Variants in SEC14L5 observed in about 807,000 individuals in gnomAD.
SEC14L5 encodes SEC14 like lipid binding 5.
Under a neutral mutation model 84.6 loss-of-function variants are expected in SEC14L5, and 96 were observed. The ratio of observed to expected loss-of-function variants is 1.13; its 90% CI spans 0.96 to 1.34. The LOEUF (loss-of-function observed/expected upper bound fraction) is 1.34. SEC14L5 is among the 40% of genes most tolerant of loss of function. SEC14L5 has a pLI of 0.00. For synonymous variants in SEC14L5, 546 were observed against 383.4 expected, an observed-to-expected ratio of 1.42 and a Z score of -4.95; for missense variants, 1,224 against 942.5, an observed-to-expected ratio of 1.30 and a Z score of -3.91.
chr16:5,005,163 A>G (rs78834010), intron 11 of SEC14L5, among the ~76,000 whole-genome samples: 4,886 of 152,182 alleles, frequency 0.032, 273 homozygotes, highest in African/African-American at 0.11. Context: ...TAAAATACAA[A>G]AATTAGCCAG....
chr16:4,964,539 G>C (rs554386121), intron 2 of SEC14L5, among the ~76,000 whole-genome samples: 1 of 151,852 alleles, frequency 6.6e-6, no homozygotes, highest in East Asian at 1.9e-4. Flanking sequence ...AGCCGAGTTC[G>C]CTCCATTGCA....
At chr16:4,973,522 A>G (rs1184880004) in intron 2 of SEC14L5, among the ~76,000 whole-genome samples, 1 of 152,194 alleles carries the variant, frequency 6.6e-6, no homozygotes, top group East Asian at 1.9e-4. Flanking sequence ...CACCCCTACG[A>G]AAAGTTGGGG....
intron 2 of SEC14L5, among the ~76,000 whole-genome samples, chr16:4,965,925 C>T (rs1018666619): frequency 6.6e-6 from 1 of 151,946 alleles, no homozygotes; most frequent in East Asian, 1.9e-4. Flanking sequence ...ACCTGCAGTC[C>T]CAGCTACTTG....
In SEC14L5 at chr16:5,011,367, G is replaced by C. The variant is rs894602653; in HGVS notation, c.1979+94G>C. The C allele has an allele frequency of 3.1e-5, 41 of 1,322,356 alleles. No individual in the cohort carries two copies. The Admixed American group carries it at 8.0e-4, about 26-fold the overall frequency. The allele number at this position is 1,322,356 out of a possible 1,614,324, so 81.9% of individuals were successfully genotyped here. A position where few individuals can be genotyped will look rare whatever the true frequency, so the allele number is the denominator to read the frequency against. The stretch of plus-strand genomic sequence containing the variant: ...GGCCTCCTGTCTCCCAGCTGGGTCA[G>C]CTTCTCCCGGGGTGGGACCCCAGCA... On this transcript the variant is annotated intron_variant, in intron 15 of 15. Coordinates refer to ENST00000251170, the MANE Select transcript of SEC14L5 (RefSeq NM_014692.2).
chr16:4,970,115 C>G (rs186029990), intron 2 of SEC14L5, among the ~76,000 whole-genome samples: 15 of 152,302 alleles, frequency 9.8e-5, no homozygotes, highest in African/African-American at 3.6e-4. Flanking sequence ...CCTGGCCCAT[C>G]TGGTTCTTTT....
intron 8 of SEC14L5, among the ~76,000 whole-genome samples, chr16:4,998,735 C>A (rs1379631870): frequency 4.0e-5 from 2 of 49,680 alleles, no homozygotes; most frequent in East Asian, 6.0e-4. Context: ...GAGACTCCGT[C>A]TCAAAAAAAA....
chr16:4,961,532 T>C (rs144817362), intron 2 of SEC14L5, among the ~76,000 whole-genome samples: 1,910 of 152,228 alleles, frequency 0.013, 31 homozygotes, highest in African/African-American at 0.044. Context: ...TTTCATCACG[T>C]TGGCCACGCT....
intron 13 of SEC14L5, among the ~76,000 whole-genome samples, 165 bp downstream of exon 13, chr16:5,007,651 G>C (rs1339996706): frequency 1.3e-5 from 2 of 148,410 alleles, no homozygotes; most frequent in Non-Finnish European, 3.0e-5. Flanking sequence ...TGTTGCCCAG[G>C]CTGGAGTGCA....
intron 6 of SEC14L5, among the ~76,000 whole-genome samples, chr16:4,995,661 C>G (rs540235718): frequency 1.4e-5 from 2 of 142,046 alleles, no homozygotes; most frequent in East Asian, 2.1e-4. Context: ...GAGTCTCACT[C>G]TGTTGCCCAG....
chr16:4,966,750 C>T (rs773058975), intron 2 of SEC14L5, among the ~76,000 whole-genome samples: 1 of 152,186 alleles, frequency 6.6e-6, no homozygotes, highest in Non-Finnish European at 1.5e-5. Context: ...CCTCAATTTA[C>T]ACCCCAACTA....
At chr16:4,991,748 A>C in intron 5 of SEC14L5, 90 bp from the exon 6 acceptor site, 1 of 821,040 alleles carries the variant, frequency 1.2e-6, no homozygotes, top group Non-Finnish European at 1.8e-6. Context: ...CTGGGACCTG[A>C]GCCGGCTGGG....
intron 2 of SEC14L5, among the ~76,000 whole-genome samples, chr16:4,977,092 CA>C (rs1190161608): frequency 6.6e-6 from 1 of 152,176 alleles, no homozygotes; most frequent in African/African-American, 2.4e-5. Flanking sequence ...CACAGTTTCT[CA>C]AGGTCACAGC....
At chr16:4,986,444 A>C (rs1955488139) in intron 2 of SEC14L5, among the ~76,000 whole-genome samples, 1 of 152,190 alleles carries the variant, frequency 6.6e-6, no homozygotes, top group South Asian at 2.1e-4. Context: ...CTGGCCTGCT[A>C]CCACGTCTTT....
intron 12 of SEC14L5, among the ~76,000 whole-genome samples, chr16:5,006,626 C>T (rs1223007941): frequency 1.3e-5 from 2 of 152,192 alleles, no homozygotes; most frequent in Non-Finnish European, 2.9e-5. Flanking sequence ...CTCTTTGTTT[C>T]TAACAGAAAT....
chr16:4,992,006 G>T lies in SEC14L5; in HGVS notation c.643G>T (p.Ala215Ser), dbSNP rs756053430. 3.2e-6 allele frequency: 5 copies of T among 1,576,046 alleles called. No homozygotes were observed. The highest frequency in any genetic ancestry group is 2.3e-5 in the East Asian group (1 of 43,480). ...CGGGCCCCGTAGCACCCTGGGGCCC[G>T]CTCTGGAGGCGGTCAGTATGGACGG... Reference protein sequence around the residue: ...AHGPRSTLGPALEAVSMDGDK... With the variant: ...AHGPRSTLGPSLEAVSMDGDK... Residue 215 changes from alanine to serine, a missense_variant, in exon 6 of 16, where the codon GCT (alanine) becomes TCT (serine). Coordinates refer to ENST00000251170, the MANE Select transcript of SEC14L5 (RefSeq NM_014692.2).
At chr16:4,967,268 A>G (rs1343555219) in intron 2 of SEC14L5, among the ~76,000 whole-genome samples, 1 of 152,166 alleles carries the variant, frequency 6.6e-6, no homozygotes, top group Non-Finnish European at 1.5e-5. Flanking sequence ...TTGGGACAGC[A>G]GAACTCCAGT....
Position 5,006,034 on chromosome 16 carries a change from G to A in SEC14L5, c.1423G>A (p.Gly475Arg), listed in dbSNP as rs758352257. ...LDREVIPDFL[G>R]GESVCNVPEG... Reference sequence around the variant, plus strand: ...TAGAGAAGTGATCCCTGACTTCCTTGGGGGAGAGAGTGTGGTGAGGCTTCC... The same window carrying A: ...TAGAGAAGTGATCCCTGACTTCCTTAGGGGAGAGAGTGTGGTGAGGCTTCC... The change falls in exon 12 of 16, where the codon GGG (glycine) becomes AGG (arginine). Residue 475 changes from glycine (G) to arginine (R), a missense_variant. Gly to Arg is a moderately radical substitution (Grantham distance 125, BLOSUM62 -2). Transcript: ENST00000251170. 1.2e-6 allele frequency: 2 copies of A among 1,613,728 alleles called. No homozygotes were observed. Among genetic ancestry groups the A allele is most frequent in the Non-Finnish European group, 1.7e-6 (2 of 1,179,732 alleles).
At position 5,002,512 on chromosome 16, in the gene SEC14L5, G is replaced by C. The variant is rs530597225; in HGVS notation, c.1131-890G>C. 3.8e-4 allele frequency among the ~76,000 whole-genome samples: 58 copies of C among 152,202 alleles called. 1 individual carries two copies. Among genetic ancestry groups the C allele is most frequent in the Non-Finnish European group, 5.1e-4 (35 of 68,014 alleles). The stretch of plus-strand genomic sequence containing the variant: ...GGGTTTCACCATGTTGGCCAGGCTG[G>C]TCTCTAGAGATTTTCTAAGGACACG... On this transcript the variant is annotated intron_variant, in intron 10 of 15. Coordinates refer to ENST00000251170, the MANE Select transcript of SEC14L5 (RefSeq NM_014692.2).
At chr16:4,990,651 C>A in intron 4 of SEC14L5, 116 bp from the exon 5 acceptor site, 2 of 1,057,724 alleles carry the variant, frequency 1.9e-6, no homozygotes, top group Non-Finnish European at 2.6e-6. Flanking sequence ...GGTTGCCAGG[C>A]TTGATCTGCT....
Sources: allele counts gnomAD v4.1 joint callset (sites outside exome capture counted in the v4.1 genomes callset), GRCh38; gene constraint gnomAD v4.1.1; transcripts MANE v1.5; gene names NCBI Gene and HGNC (gene_info 2026-07-23, HGNC 2026-07-21).